ABTB2: variants seen among roughly 807,000 people sequenced by gnomAD.
The protein encoded by ABTB2 is ankyrin repeat and BTB domain containing 2.
In ABTB2, 56 loss-of-function variants were observed where a neutral mutation model predicts 104.1. The ratio of observed to expected loss-of-function variants is 0.54; its 90% confidence interval spans 0.43 to 0.67. ABTB2 has a LOEUF of 0.67. ABTB2 is among the 30% of genes least tolerant of loss of function. ABTB2 has a pLI of 0.00. For synonymous variants in ABTB2, 606 were observed against 608.2 expected (o/e 1.00, Z 0.05); for missense variants, 1,279 against 1,407.7 (o/e 0.91, Z 1.46).
At chr11:34,253,458 A>G (rs1854079831) in intron 1 of ABTB2, among the ~76,000 whole-genome samples, 1 of 151,866 alleles carries the variant, frequency 6.6e-6, no homozygotes, top group Non-Finnish European at 1.5e-5. Flanking sequence ...CGGGCAGATC[A>G]CAAGATCAGG....
At chr11:34,253,454 G>T (rs1020416271) in intron 1 of ABTB2, among the ~76,000 whole-genome samples, 2 of 152,010 alleles carry the variant, frequency 1.3e-5, no homozygotes, top group East Asian at 3.9e-4. Flanking sequence ...AAAGCGGGCA[G>T]ATCACAAGAT....
At position 34,168,819 on chromosome 11, in the gene ABTB2, G is replaced by A. The variant is rs547999732; in HGVS notation, c.1564-827C>T. Among the ~76,000 whole-genome samples the A allele has an allele frequency of 1.9e-3, 291 of 152,350 alleles. 2 individuals carry two copies. The highest frequency in any genetic ancestry group is 6.8e-3 in the Middle Eastern group (2 of 294). ...GGTTAGGTGGGCAGTTGGCGGGGCCGCCTCCCTGGCTGGGAATCCTCCTCT... is the reference window on the plus strand; with the variant it reads ...GGTTAGGTGGGCAGTTGGCGGGGCCACCTCCCTGGCTGGGAATCCTCCTCT... On this transcript the variant is annotated intron_variant, in intron 5 of 16. Transcript: ENST00000435224.
At chr11:34,187,385 C>A (rs1853114161) in intron 3 of ABTB2, among the ~76,000 whole-genome samples, 1 of 152,098 alleles carries the variant, frequency 6.6e-6, no homozygotes, top group Non-Finnish European at 1.5e-5. Flanking sequence ...TTGTAGAGTT[C>A]TTTGAAATCC....
At chr11:34,213,062 G>A (rs562031577) in intron 1 of ABTB2, among the ~76,000 whole-genome samples, 1 of 152,302 alleles carries the variant, frequency 6.6e-6, no homozygotes, top group African/African-American at 2.4e-5. Context: ...GGCCTGCTGG[G>A]GGTGCACCTG....
intron 1 of ABTB2, among the ~76,000 whole-genome samples, chr11:34,295,865 C>T (rs1854616842): frequency 6.6e-6 from 1 of 152,148 alleles, no homozygotes; most frequent in Admixed American, 6.5e-5. Context: ...TAATCCCATT[C>T]ATAAGAGCTC....
chr11:34,345,544 A>G (rs1455412750), intron 1 of ABTB2, among the ~76,000 whole-genome samples: 1 of 147,122 alleles, frequency 6.8e-6, no homozygotes, highest in Admixed American at 6.9e-5. Context: ...CACCCCCGCC[A>G]TCATCATTTG....
At chr11:34,335,382 G>T in intron 1 of ABTB2, 1 of 845,332 alleles carries the variant, frequency 1.2e-6, no homozygotes, top group Non-Finnish European at 2.1e-6. Context: ...AATTTCCTTA[G>T]CAACATTGAT....
intron 4 of ABTB2, among the ~76,000 whole-genome samples, chr11:34,172,439 TAGATAGATAG>T (rs1350519128): frequency 2.2e-5 from 2 of 90,830 alleles, no homozygotes; most frequent in African/African-American, 5.2e-5. Context: ...TGTGTGTATA[TAGATAGATAG>T]ATAGATAGAT....
At chr11:34,207,238 A>G (rs774855150) in intron 1 of ABTB2, among the ~76,000 whole-genome samples, 1 of 152,238 alleles carries the variant, frequency 6.6e-6, no homozygotes, top group Non-Finnish European at 1.5e-5. Flanking sequence ...AACACTGGAG[A>G]CATGTGGATC....
intron 1 of ABTB2, chr11:34,335,165 G>T: frequency 7.9e-7 from 1 of 1,269,780 alleles, no homozygotes; most frequent in Non-Finnish European, 1.2e-6. Flanking sequence ...TTGCATTAGT[G>T]AAGATGCTTC....
intron 13 of ABTB2, 78 bp downstream of exon 13, chr11:34,159,828 C>A: frequency 8.5e-7 from 1 of 1,178,534 alleles, no homozygotes; most frequent in South Asian, 1.3e-5. Context: ...CCCAGCGAGT[C>A]ACTCTCTGTC....
At chr11:34,201,125 C>T (rs1324886667) in intron 2 of ABTB2, among the ~76,000 whole-genome samples, 1 of 152,118 alleles carries the variant, frequency 6.6e-6, no homozygotes, top group Non-Finnish European at 1.5e-5. Context: ...TTTGAGAAGG[C>T]CTGATGCAGG....
intron 1 of ABTB2, among the ~76,000 whole-genome samples, chr11:34,340,411 T>C (rs1855248980): frequency 1.3e-5 from 2 of 152,206 alleles, no homozygotes; most frequent in Admixed American, 6.5e-5. Context: ...GTAGTTTTAG[T>C]ATAATCGCCA....
At chr11:34,247,253 G>T (rs1853996731) in intron 1 of ABTB2, among the ~76,000 whole-genome samples, 1 of 152,176 alleles carries the variant, frequency 6.6e-6, no homozygotes, top group Non-Finnish European at 1.5e-5. Flanking sequence ...TAGTTCTCAT[G>T]CCAGCACCAC....
At chr11:34,159,246 T>TGG (rs1852672819) in intron 14 of ABTB2, 50 bp downstream of exon 14, 1 of 1,469,362 alleles carries the variant, frequency 6.8e-7, no homozygotes, top group Non-Finnish European at 9.5e-7. Context: ...GGTGGGCTCC[T>TGG]GGGGGAGGGT....
At chr11:34,217,687 C>T (rs1853566098) in intron 1 of ABTB2, among the ~76,000 whole-genome samples, 1 of 152,170 alleles carries the variant, frequency 6.6e-6, no homozygotes, top group African/African-American at 2.4e-5. Context: ...ATCTTGAACT[C>T]CTAACCTCAA....
At chr11:34,345,678 G>A (rs1263399034) in intron 1 of ABTB2, among the ~76,000 whole-genome samples, 1 of 152,146 alleles carries the variant, frequency 6.6e-6, no homozygotes, top group Non-Finnish European at 1.5e-5. Context: ...CTTCTCACCT[G>A]CTACTGAATT....
intron 16 of ABTB2, among the ~76,000 whole-genome samples, chr11:34,153,743 T>C (rs1165887786): frequency 6.6e-6 from 1 of 152,086 alleles, no homozygotes; most frequent in Non-Finnish European, 1.5e-5. Flanking sequence ...GTGATGGTGG[T>C]GGCTTAGGGC....
chr11:34,316,108 CCT>C (rs1215561343), intron 1 of ABTB2, among the ~76,000 whole-genome samples: 1 of 152,222 alleles, frequency 6.6e-6, no homozygotes, highest in African/African-American at 2.4e-5. Context: ...TGCCGATGTT[CCT>C]CTGCTTCACT....
Sources: gnomAD v4.1 joint callset for allele counts (sites outside exome capture counted in the v4.1 genomes callset) on GRCh38, gnomAD v4.1.1 for gene constraint, MANE v1.5 for transcripts, NCBI Gene and HGNC (gene_info 2026-07-23, HGNC 2026-07-21) for gene names.